XPR1: variants seen among roughly 807,000 people sequenced by gnomAD.
The protein encoded by XPR1 is xenotropic and polytropic retrovirus receptor 1.
A neutral mutation model predicts 87.5 loss-of-function variants in XPR1; 28 were observed. The ratio of observed to expected loss-of-function variants is 0.32; its 90% CI spans 0.24 to 0.44. The LOEUF is 0.44. Among genes scored for constraint, XPR1 ranks in the 20% least tolerant of loss-of-function variants. The pLI is 1.00. For synonymous variants in XPR1, 300 were observed against 306.1 expected, an observed-to-expected ratio of 0.98 and a Z score of 0.21; for missense variants, 559 against 862.3, an observed-to-expected ratio of 0.65 and a Z score of 4.41.
intron 9 of XPR1, among the ~76,000 whole-genome samples, chr1:180,834,242 C>T (rs199834642): frequency 1.1e-4 from 17 of 151,960 alleles, no homozygotes; most frequent in African/African-American, 2.4e-4. Context: ...CTACCATGCC[C>T]GGCTAATTTT....
At chr1:180,790,910 AT>A (rs2102096443) in intron 3 of XPR1, among the ~76,000 whole-genome samples, 1 of 152,268 alleles carries the variant, frequency 6.6e-6, no homozygotes, top group Non-Finnish European at 1.5e-5. Context: ...TACAGAAAGG[AT>A]TTCAGTGTTC....
At chr1:180,718,501 G>A (rs2101993871) in intron 2 of XPR1, among the ~76,000 whole-genome samples, 1 of 152,084 alleles carries the variant, frequency 6.6e-6, no homozygotes, top group South Asian at 2.1e-4. Flanking sequence ...TACCACATAG[G>A]GACATTAGGG....
intron 11 of XPR1, among the ~76,000 whole-genome samples, chr1:180,854,986 C>T (rs981097196): frequency 2.6e-5 from 4 of 152,034 alleles, no homozygotes; most frequent in African/African-American, 9.7e-5. Context: ...GCAGAAAATA[C>T]AAAAATGAGT....
chr1:180,747,280 C>G (rs763834596), intron 2 of XPR1, among the ~76,000 whole-genome samples: 5 of 152,126 alleles, frequency 3.3e-5, no homozygotes, highest in Non-Finnish European at 5.9e-5. Context: ...TTACCTGTAA[C>G]TAGCTTGTAT....
At chr1:180,766,233 A>G (rs1445717382) in intron 2 of XPR1, among the ~76,000 whole-genome samples, 1 of 152,212 alleles carries the variant, frequency 6.6e-6, no homozygotes, top group Non-Finnish European at 1.5e-5. Flanking sequence ...ACATTTCCAA[A>G]AAAATGCAAC....
intron 4 of XPR1, among the ~76,000 whole-genome samples, chr1:180,804,443 A>G (rs1326468284): frequency 6.6e-6 from 1 of 152,208 alleles, no homozygotes; most frequent in Admixed American, 6.5e-5. Flanking sequence ...ATAAAATCAT[A>G]TTTTTTAAAA....
chr1:180,766,997 T>C (rs1252286169), intron 2 of XPR1, among the ~76,000 whole-genome samples: 1 of 152,222 alleles, frequency 6.6e-6, no homozygotes, highest in Non-Finnish European at 1.5e-5. Flanking sequence ...TATAAAGACA[T>C]GCTCAGCTCA....
At chr1:180,792,494 A>T (rs1021272367) in intron 3 of XPR1, among the ~76,000 whole-genome samples, 1 of 152,174 alleles carries the variant, frequency 6.6e-6, no homozygotes, top group African/African-American at 2.4e-5. Context: ...AGGGTTCCAC[A>T]TGTTAGGATC....
At chr1:180,807,618 C>T (rs1042028915) in intron 6 of XPR1, among the ~76,000 whole-genome samples, 2 of 152,152 alleles carry the variant, frequency 1.3e-5, no homozygotes, top group African/African-American at 4.8e-5. Context: ...TTTAAAGATA[C>T]GTTGTTTCTT....
chr1:180,680,152 C>T (rs1656516568), intron 1 of XPR1, among the ~76,000 whole-genome samples: 1 of 151,852 alleles, frequency 6.6e-6, no homozygotes, highest in African/African-American at 2.4e-5. Context: ...CAAAGAAATA[C>T]AAATCAAAAC....
chr1:180,636,540 A>G (rs1237588000), intron 1 of XPR1, among the ~76,000 whole-genome samples: 1 of 152,228 alleles, frequency 6.6e-6, no homozygotes, highest in Non-Finnish European at 1.5e-5. Context: ...GTTTTGGATC[A>G]GCTTTTGGGT....
intron 1 of XPR1, among the ~76,000 whole-genome samples, chr1:180,656,337 T>C (rs1362264366): frequency 9.2e-6 from 1 of 109,182 alleles, no homozygotes; most frequent in Non-Finnish European, 1.7e-5. Flanking sequence ...ATATATATAA[T>C]ATTTATATAT....
intron 2 of XPR1, among the ~76,000 whole-genome samples, chr1:180,729,628 T>G (rs1658484278): frequency 1.3e-5 from 2 of 152,244 alleles, no homozygotes; most frequent in Non-Finnish European, 1.5e-5. Context: ...ATTGTGGTTT[T>G]CATTTGCATT....
Position 180,884,083 on chromosome 1 carries a change from C to T in XPR1, c.*17C>T, listed in dbSNP as rs1345930345. 1 of 1,612,404 alleles carries T rather than the reference C, an allele frequency of 6.2e-7. No individual in the cohort carries two copies. Among genetic ancestry groups the T allele is most frequent in the Non-Finnish European group, 8.5e-7 (1 of 1,178,808 alleles). On this transcript the variant is annotated 3_prime_UTR_variant, in exon 15 of 15. Coordinates refer to ENST00000367590, the MANE Select transcript of XPR1 (RefSeq NM_004736.4). ...AACACTTGAATTTTCTGAAGTCTAG[C>T]TTAACATCTTTGGTTTTCCTACTCT...
chr1:180,806,013 T>A, intron 4 of XPR1, 49 bp from the exon 5 acceptor site: 2 of 1,584,754 alleles, frequency 1.3e-6, no homozygotes, highest in East Asian at 2.3e-5. Flanking sequence ...TTTTCATCAT[T>A]TTTGATGGTA....
At position 180,836,830 on chromosome 1, in the gene XPR1, ATTTCAGTTCCTTCAGTTATATCAG is replaced by A. The variant is rs1184998216; in HGVS notation, c.1501+118_1501+141del. 4.8e-6 allele frequency: 6 copies of A among 1,248,506 alleles called. No homozygotes were observed. The Admixed American group carries it at 1.2e-4, about 25-fold the overall frequency. 77.3% of individuals were successfully genotyped at this position (1,248,506 alleles called of 1,614,324 possible). ...GTCATGCTCTTTTTTTTCCACTGAA[ATTTCAGTTCCTTCAGTTATATCAG>A]TTTGTTCTTGAATGCAGTTTTAGTC... On this transcript the variant is annotated intron_variant, in intron 11 of 14. Transcript: ENST00000367590.
intron 2 of XPR1, among the ~76,000 whole-genome samples, chr1:180,749,856 TTTTATGCTTTAATA>T (rs1647453063): frequency 6.6e-6 from 1 of 152,188 alleles, no homozygotes; most frequent in Admixed American, 6.5e-5. Flanking sequence ...TTCAAGTCTG[TTTTATGCTTTAATA>T]TTATCACTTT....
intron 1 of XPR1, among the ~76,000 whole-genome samples, chr1:180,650,728 C>A (rs889261008): frequency 6.6e-6 from 1 of 152,082 alleles, no homozygotes; most frequent in Non-Finnish European, 1.5e-5. Flanking sequence ...GAGAAAGTAG[C>A]TGAAATTAAA....
rs551338662 is a variant in XPR1 at position 180,849,000 on chromosome 1, A to C, written c.1501+12284A>C. On this transcript the variant is annotated intron_variant, in intron 11 of 14. Coordinates refer to ENST00000367590, the MANE Select transcript of XPR1 (RefSeq NM_004736.4). ...GAGATGTTTGTTAATTTTTTAAGAA[A>C]GAATATAAGAATACTTCCTAAGTAT... Among the ~76,000 whole-genome samples, 10 of 152,322 alleles carry C rather than the reference A, an allele frequency of 6.6e-5. No homozygotes were observed. The South Asian group carries it at 1.2e-3, about 19-fold the overall frequency.
Sources: gnomAD v4.1 joint callset for allele counts (sites outside exome capture counted in the v4.1 genomes callset) on GRCh38, gnomAD v4.1.1 for gene constraint, MANE v1.5 for transcripts, NCBI Gene and HGNC (gene_info 2026-07-23, HGNC 2026-07-21) for gene names.